Variants in TSGA13 observed in about 807,000 individuals in gnomAD.
The protein encoded by TSGA13 is testis specific 13.
In TSGA13, 37 loss-of-function variants were observed where a neutral mutation model predicts 35.1. The ratio of observed to expected loss-of-function variants is 1.05; its 90% CI spans 0.81 to 1.39. TSGA13 has a LOEUF of 1.39. TSGA13 is among the 40% of genes most tolerant of loss of function. The pLI, the probability that TSGA13 is intolerant of heterozygous loss-of-function variation, is 0.00. For synonymous variants in TSGA13, 124 were observed against 121.2 expected, an observed-to-expected ratio of 1.02 and a Z score of -0.15; for missense variants, 338 against 328.5, an observed-to-expected ratio of 1.03 and a Z score of -0.22.
At position 130,671,682 on chromosome 7, in the gene TSGA13, C is replaced by G; in HGVS notation, c.637G>C (p.Glu213Gln). The change falls in exon 7 of 8, where the codon GAG (glutamate) becomes CAG (glutamine). Residue 213 changes from glutamate to glutamine, a missense_variant. Coordinates refer to ENST00000356588, the MANE Select transcript of TSGA13 (RefSeq NM_052933.4). ...YPQLTFAPVH[E>Q]RDMRKDASKK... ...TTACCATCTTTCCTCATATCTCTCT[C>G]ATGGACTGGAGCAAAGGTGAGCTGA... The G allele has an allele frequency of 6.2e-7, 1 of 1,601,916 alleles. No homozygotes were observed. The highest frequency in any genetic ancestry group is 8.5e-7 in the Non-Finnish European group (1 of 1,172,422).
At chr7:130,669,766 C>G (rs1181795580) in intron 7 of TSGA13, among the ~76,000 whole-genome samples, 2 of 152,180 alleles carry the variant, frequency 1.3e-5, no homozygotes, top group Non-Finnish European at 2.9e-5. Flanking sequence ...GATTTAACTC[C>G]GACTTGACTA....
chr7:130,685,730 G>A (rs62473537), intron 1 of TSGA13, among the ~76,000 whole-genome samples: 1 of 152,072 alleles, frequency 6.6e-6, no homozygotes, highest in Admixed American at 6.5e-5. Context: ...TTCTCCTCCT[G>A]TCAACAAAGC....
chr7:130,685,501 A>G, intron 1 of TSGA13, 141 bp from the exon 2 acceptor site: 2 of 709,984 alleles, frequency 2.8e-6, no homozygotes, highest in South Asian at 4.4e-5. Context: ...AATGTAAAAC[A>G]ATAGTGACAA....
chr7:130,678,026 C>G (rs1235958005), intron 5 of TSGA13, among the ~76,000 whole-genome samples: 1 of 152,136 alleles, frequency 6.6e-6, no homozygotes, highest in Non-Finnish European at 1.5e-5. Context: ...GTATCCTCAG[C>G]AATTGCTTGT....
At chr7:130,679,787 G>A (rs1366417214) in intron 4 of TSGA13, among the ~76,000 whole-genome samples, 7 of 152,180 alleles carry the variant, frequency 4.6e-5, no homozygotes, top group African/African-American at 1.2e-4. Flanking sequence ...GCCTCCCAAA[G>A]TATGGAGATT....
Position 130,671,803 on chromosome 7 carries a change from T to G in TSGA13, c.531-15A>C, listed in dbSNP as rs1563077995. 10 of 1,566,622 alleles carry G rather than the reference T, an allele frequency of 6.4e-6. No individual in the cohort carries two copies. The highest frequency in any genetic ancestry group is 1.4e-5 in the African/African-American group (1 of 73,396). On this transcript the variant is annotated splice_polypyrimidine_tract_variant and intron_variant, in intron 6 of 7. Coordinates refer to ENST00000356588, the MANE Select transcript of TSGA13 (RefSeq NM_052933.4). ...CAGTGGAAAACCTTAACAAAGAAAG[T>G]TCTTTGTTTAGTAGATCCTAGGGCA... is the stretch of plus-strand genomic sequence containing the variant.
At chr7:130,683,465 C>T in intron 3 of TSGA13, 129 bp downstream of exon 3, 1 of 746,798 alleles carries the variant, frequency 1.3e-6, no homozygotes, top group Non-Finnish European at 2.1e-6. Context: ...ACAAGTTAAC[C>T]TTGTTTTCCA....
At chr7:130,684,794 T>TAA in intron 2 of TSGA13, among the ~76,000 whole-genome samples, 1 of 152,318 alleles carries the variant, frequency 6.6e-6, no homozygotes, top group Non-Finnish European at 1.5e-5. Context: ...CTTAACATCT[T>TAA]AAAGTTTGTG....
intron 5 of TSGA13, among the ~76,000 whole-genome samples, chr7:130,677,203 C>G (rs1554464266): frequency 6.6e-6 from 1 of 151,818 alleles, no homozygotes; most frequent in East Asian, 1.9e-4. Context: ...GATTTTGATT[C>G]TTAAATATCT....
At chr7:130,670,882 C>T (rs1383411380) in intron 7 of TSGA13, among the ~76,000 whole-genome samples, 2 of 152,180 alleles carry the variant, frequency 1.3e-5, no homozygotes, top group Non-Finnish European at 2.9e-5. Context: ...CTGCCCCAGC[C>T]TCCCAAACTG....
intron 1 of TSGA13, among the ~76,000 whole-genome samples, chr7:130,686,021 G>A (rs377446916): frequency 2.0e-5 from 3 of 152,158 alleles, no homozygotes; most frequent in East Asian, 1.9e-4. Context: ...CAGGTAGGTC[G>A]AATGGAGTCA....
intron 4 of TSGA13, among the ~76,000 whole-genome samples, chr7:130,680,586 C>G (rs1384529844): frequency 1.3e-5 from 2 of 151,542 alleles, no homozygotes; most frequent in African/African-American, 4.8e-5. Flanking sequence ...GACGGTCCCA[C>G]TAAATTTGCC....
In TSGA13 at chr7:130,668,908, G is replaced by T. The variant is rs1416809863; in HGVS notation, c.*106C>A. On this transcript the variant is annotated 3_prime_UTR_variant, in exon 8 of 8. Transcript: ENST00000356588. ...GCTCGACCCTCCCGGCTTGCGACCC[G>T]GGAGCCCACGCCCGCAGCAGCAGGA... The T allele has an allele frequency of 1.6e-5, 24 of 1,478,914 alleles. No individual in the cohort carries two copies. The Admixed American group carries it at 3.8e-4, about 23-fold the overall frequency. The allele number at this position is 1,478,914 out of a possible 1,614,324, so 91.6% of individuals were successfully genotyped here.
At chr7:130,683,561 A>G (rs1796595794) in intron 3 of TSGA13, 33 bp downstream of exon 3, 2 of 1,597,342 alleles carry the variant, frequency 1.3e-6, no homozygotes, top group African/African-American at 2.7e-5. Flanking sequence ...CCAAAGAAAA[A>G]TTAAACATTG....
chr7:130,680,444 T>C (rs1554464912), intron 4 of TSGA13, among the ~76,000 whole-genome samples: 1 of 149,726 alleles, frequency 6.7e-6, no homozygotes, highest in Non-Finnish European at 1.5e-5. Context: ...GGGCGGAGCT[T>C]GCAGTGAGCC....
intron 5 of TSGA13, among the ~76,000 whole-genome samples, chr7:130,673,460 T>TA (rs797022906): frequency 1.4e-4 from 20 of 144,722 alleles, no homozygotes; most frequent in South Asian, 2.2e-4. Context: ...TTTCTTTACC[T>TA]AAAAAAAAAA....
At chr7:130,669,289 G>A (rs1796190291) in intron 7 of TSGA13, 106 bp from the exon 8 acceptor site, 1 of 1,392,928 alleles carries the variant, frequency 7.2e-7, no homozygotes, top group African/African-American at 1.4e-5. Flanking sequence ...CCAGAGGCTG[G>A]TCTTTAGAGG....
At position 130,669,137 on chromosome 7, in the gene TSGA13, C is replaced by A; in HGVS notation, c.705G>T (p.Arg235=). ...ASERPISKVI[R]EPLTLASLLE... is the part of the protein sequence containing the mutation. ...AGAGCGATGCGAGTGTCAGTGGTTC[C>A]CGAATCACTTTGGAAATTGGCCTTT... Residue 235 remains arginine, a synonymous_variant, in exon 8 of 8, where the codon CGG becomes CGT. Coordinates refer to ENST00000356588, the MANE Select transcript of TSGA13 (RefSeq NM_052933.4). The A allele has an allele frequency of 6.2e-7, 1 of 1,614,198 alleles. No individual in the cohort carries two copies. The highest frequency in any genetic ancestry group is 8.5e-7 in the Non-Finnish European group (1 of 1,180,040).
intron 5 of TSGA13, among the ~76,000 whole-genome samples, chr7:130,678,939 ATTGT>A (rs1371904463): frequency 1.3e-5 from 2 of 152,200 alleles, no homozygotes; most frequent in Non-Finnish European, 1.5e-5. Context: ...AGATGGGAAG[ATTGT>A]TTGAGCCCAA....
Sources: allele counts gnomAD v4.1 joint callset (sites outside exome capture counted in the v4.1 genomes callset), GRCh38; gene constraint gnomAD v4.1.1; transcripts MANE v1.5; gene names NCBI Gene and HGNC (gene_info 2026-07-23, HGNC 2026-07-21).